C12orf50: variants seen among roughly 807,000 people sequenced by gnomAD.
The protein encoded by C12orf50 is zinc finger CCCH-type containing 11D, also known as uncharacterized protein C12orf50.
A neutral mutation model predicts 61.6 loss-of-function variants in C12orf50; 35 were observed. The ratio of observed to expected loss-of-function variants is 0.57; its 90% CI spans 0.43 to 0.75. C12orf50 has a LOEUF of 0.75. Ranked by LOEUF, C12orf50 falls within the 30% of genes least tolerant of loss-of-function variation. The pLI is 0.00. For missense variants in C12orf50, 475 were observed against 488.5 expected, an observed-to-expected ratio of 0.97 and a Z score of 0.26; for synonymous variants, 178 against 161.5, an observed-to-expected ratio of 1.10 and a Z score of -0.77.
chr12:88,028,321 G>A (rs1431091202), intron 1 of C12orf50, among the ~76,000 whole-genome samples: 1 of 152,226 alleles, frequency 6.6e-6, no homozygotes, highest in East Asian at 1.9e-4. Context: ...GGTCAGAGAG[G>A]TTGACTCCAT....
At chr12:88,026,828 A>G in intron 2 of C12orf50, 123 bp downstream of exon 2, 1 of 1,453,170 alleles carries the variant, frequency 6.9e-7, no homozygotes, top group Non-Finnish European at 9.2e-7. Flanking sequence ...AAAATTGCAA[A>G]ATGCCTAAAA....
Position 87,994,616 on chromosome 12 carries a change from G to C in C12orf50, c.592+17C>G. On this transcript the variant is annotated intron_variant, in intron 7 of 12. Coordinates refer to ENST00000298699, the MANE Select transcript of C12orf50 (RefSeq NM_152589.3). ...GTGGTGATATATTCAGGGTCAATCA[G>C]TAATAAATTAACTCACCTCCATTTT... The C allele has an allele frequency of 1.3e-6, 2 of 1,503,080 alleles. No individual in the cohort carries two copies. Among genetic ancestry groups the C allele is most frequent in the South Asian group, 2.3e-5 (2 of 88,702 alleles). 93.1% of individuals were successfully genotyped at this position (1,503,080 alleles called of 1,614,324 possible). A position where few individuals can be genotyped will look rare whatever the true frequency, so the allele number is the denominator to read the frequency against.
chr12:88,000,941 TA>T (rs927936495), intron 3 of C12orf50, among the ~76,000 whole-genome samples: 1 of 151,866 alleles, frequency 6.6e-6, no homozygotes, highest in African/African-American at 2.4e-5. Flanking sequence ...ATTTTCTAAA[TA>T]AAAGATCATG....
intron 3 of C12orf50, among the ~76,000 whole-genome samples, chr12:88,016,956 G>A (rs529835281): frequency 2.0e-4 from 30 of 152,296 alleles, no homozygotes; most frequent in Non-Finnish European, 1.9e-4. Context: ...ATAGTGTTAT[G>A]TAAAACATAT....
chr12:87,997,769 C>G (rs2031475120), intron 4 of C12orf50, among the ~76,000 whole-genome samples: 1 of 152,148 alleles, frequency 6.6e-6, no homozygotes, highest in Non-Finnish European at 1.5e-5. Context: ...GCATAGTATT[C>G]CATGGTGTAT....
At chr12:87,997,461 G>T (rs573973700) in intron 4 of C12orf50, among the ~76,000 whole-genome samples, 1 of 151,906 alleles carries the variant, frequency 6.6e-6, no homozygotes, top group Non-Finnish European at 1.5e-5. Context: ...TGTACAGAAC[G>T]TGCAGGTTTG....
chr12:87,998,507 A>C (rs933861942), intron 3 of C12orf50, among the ~76,000 whole-genome samples: 2 of 152,162 alleles, frequency 1.3e-5, no homozygotes, highest in African/African-American at 4.8e-5. Flanking sequence ...TATTTCAATA[A>C]AATAAAAATA....
chr12:87,998,730 A>G (rs2136435683), intron 3 of C12orf50, among the ~76,000 whole-genome samples: 1 of 152,352 alleles, frequency 6.6e-6, no homozygotes, highest in African/African-American at 2.4e-5. Flanking sequence ...GACTATCTGG[A>G]CTAGCATAAA....
At chr12:87,993,431 A>T (rs1213746536) in intron 7 of C12orf50, among the ~76,000 whole-genome samples, 1 of 152,238 alleles carries the variant, frequency 6.6e-6, no homozygotes, top group East Asian at 1.9e-4. Flanking sequence ...AGTGTTTCTA[A>T]TTTGTAGCTA....
At chr12:87,999,068 C>G (rs1176659908) in intron 3 of C12orf50, among the ~76,000 whole-genome samples, 1 of 152,066 alleles carries the variant, frequency 6.6e-6, no homozygotes, top group African/African-American at 2.4e-5. Context: ...AAAAAGCAGT[C>G]AATGAAAAGT....
intron 3 of C12orf50, among the ~76,000 whole-genome samples, chr12:88,022,550 C>T (rs1453040726): frequency 6.6e-6 from 1 of 152,036 alleles, no homozygotes; most frequent in African/African-American, 2.4e-5. Flanking sequence ...AAATAGGAAT[C>T]AAGGAAGTCA....
At chr12:87,996,352 A>C in intron 6 of C12orf50, 22 bp downstream of exon 6, 1 of 1,480,134 alleles carries the variant, frequency 6.8e-7, no homozygotes, top group Non-Finnish European at 9.4e-7. Context: ...ATCACTATGA[A>C]TGCTGCCTTT....
rs149520760 is a variant in C12orf50, at chr12:87,998,096, G to A, written c.228C>T (p.Ile76=). The change falls in exon 4 of 13, where the codon ATC becomes ATT. Residue 76 remains isoleucine (I), a synonymous_variant. Transcript: ENST00000298699. ...LKPQENISRP[I]HHPLVLKTNF... The stretch of plus-strand genomic sequence containing the variant: ...TAGTTTTTAAAACTAAAGGATGGTG[G>A]ATGGGTCGTGATATATTTTCCTGAG... 1.3e-4 allele frequency: 216 copies of A among 1,612,764 alleles called. 1 individual carries two copies. Among genetic ancestry groups the A allele is most frequent in the Non-Finnish European group, 1.8e-4 (210 of 1,179,336 alleles).
rs2030909578 is a variant in C12orf50, at chr12:87,987,882, A to G, written c.785T>C (p.Ile262Thr). The G allele has an allele frequency of 6.2e-7, 1 of 1,610,238 alleles. No individual in the cohort carries two copies. The highest frequency in any genetic ancestry group is 8.5e-7 in the Non-Finnish European group (1 of 1,177,456). Residue 262 changes from isoleucine (I) to threonine (T), a missense_variant, in exon 9 of 13, where the codon ATC becomes ACC. Physicochemically the swap from Ile to Thr is moderately conservative, Grantham distance 89. Coordinates refer to ENST00000298699, the MANE Select transcript of C12orf50 (RefSeq NM_152589.3). ...GGGGTCCTCTCTGCACTTCATACTGATATTCTCAGTAGCATTTAATACATG... is the reference window on the plus strand; with the variant it reads ...GGGGTCCTCTCTGCACTTCATACTGGTATTCTCAGTAGCATTTAATACATG... The part of the protein sequence containing the change: ...TTHVLNATEN[I>T]SMKCREDPSS...
rs111688916 is a variant in C12orf50 at position 88,016,387 on chromosome 12, T to A, written c.133+10101A>T. On this transcript the variant is annotated intron_variant, in intron 3 of 12. Coordinates refer to ENST00000298699, the MANE Select transcript of C12orf50 (RefSeq NM_152589.3). ...TAATCTTTGTCTAAGGTGAAAAGAT[T>A]TATGGCCCCAGTTTTGGTTATTATG... Among the ~76,000 whole-genome samples the A allele has an allele frequency of 5.9e-5, 9 of 152,330 alleles. 1 individual carries two copies. The highest frequency in any genetic ancestry group is 2.2e-4 in the African/African-American group (9 of 41,582).
intron 3 of C12orf50, among the ~76,000 whole-genome samples, chr12:88,016,627 G>A (rs567387225): frequency 6.6e-6 from 1 of 152,310 alleles, no homozygotes; most frequent in South Asian, 2.1e-4. Flanking sequence ...CGGGAAAATA[G>A]TTAACAGATT....
In C12orf50 at chr12:87,980,161, A is replaced by G. The variant is rs199606257; in HGVS notation, c.*170T>C. 5.0e-5 allele frequency: 32 copies of G among 640,770 alleles called. No individual in the cohort carries two copies. In the East Asian group the frequency reaches 8.7e-4, roughly 18 times the overall value. 39.7% of individuals were successfully genotyped at this position (640,770 alleles called of 1,614,324 possible). On this transcript the variant is annotated 3_prime_UTR_variant, in exon 13 of 13. Transcript: ENST00000298699. ...ATTTTTATCAGTTTTGAAAGAGCAC[A>G]ATGTACTTCCTGCATCTTATTTTCA...
At chr12:88,002,773 CTT>C (rs1199536913) in intron 3 of C12orf50, among the ~76,000 whole-genome samples, 3 of 151,656 alleles carry the variant, frequency 2.0e-5, no homozygotes, top group African/African-American at 7.2e-5. Context: ...TGCTGTTTCT[CTT>C]TCTTTTACAC....
At chr12:87,980,464 C>T (rs1243336516) in intron 12 of C12orf50, 108 bp from the exon 13 acceptor site, 1 of 924,352 alleles carries the variant, frequency 1.1e-6, no homozygotes, top group Non-Finnish European at 1.7e-6. Flanking sequence ...CAAAGAAAAA[C>T]TAATCTTACT....
Sources: allele counts gnomAD v4.1 joint callset (sites outside exome capture counted in the v4.1 genomes callset), GRCh38; gene constraint gnomAD v4.1.1; transcripts MANE v1.5; gene names NCBI Gene and HGNC (gene_info 2026-07-23, HGNC 2026-07-21).